Variants in SAMD8 observed in about 807,000 individuals in gnomAD.
SAMD8 encodes sphingomyelin synthase-related protein 1.
SAMD8 carries 20 observed loss-of-function variants against 42.0 expected under a neutral mutation model. The ratio of observed to expected loss-of-function variants is 0.48; its 90% CI spans 0.34 to 0.69. The LOEUF is 0.69. Ranked by LOEUF, SAMD8 falls within the 30% of genes least tolerant of loss-of-function variation. The probability of loss-of-function intolerance (pLI) is 0.01; values close to 1 mark genes in which losing one functional copy is unlikely to be tolerated. For synonymous variants in SAMD8, 162 were observed against 173.0 expected (o/e 0.94, Z 0.50); for missense variants, 328 against 511.6 (o/e 0.64, Z 3.46).
intron 1 of SAMD8, among the ~76,000 whole-genome samples, chr10:75,119,404 G>A (rs992045983): frequency 1.2e-4 from 18 of 152,210 alleles, no homozygotes; most frequent in Admixed American, 3.9e-4. Context: ...TGACCTGCCC[G>A]CCTTGGCTTC....
intron 4 of SAMD8, 172 bp from the exon 5 acceptor site, chr10:75,175,894 T>C (rs1840980415): frequency 1.0e-6 from 1 of 985,412 alleles, no homozygotes. Context: ...AGCCAAGCTT[T>C]GCCCACCCAT....
chr10:75,109,274 C>A, upstream of SAMD8: 1 of 1,252,474 alleles, frequency 8.0e-7, no homozygotes, highest in South Asian at 1.6e-5. Flanking sequence ...CTCAGCAAGT[C>A]ACAGGGGCCT....
At chr10:75,108,456 C>T (rs948140460), upstream of SAMD8, among the ~76,000 whole-genome samples, 2 of 152,158 alleles carry the variant, frequency 1.3e-5, no homozygotes, top group African/African-American at 4.8e-5. Flanking sequence ...TGCATCTGTC[C>T]CTGCCTTGGC....
chr10:75,122,822 G>A (rs1403197070), intron 1 of SAMD8, among the ~76,000 whole-genome samples: 2 of 152,020 alleles, frequency 1.3e-5, no homozygotes, highest in African/African-American at 4.8e-5. Context: ...ATGGGTATTT[G>A]CGATAAAAAT....
At chr10:75,127,865 G>A (rs1269359441) in intron 1 of SAMD8, among the ~76,000 whole-genome samples, 3 of 152,126 alleles carry the variant, frequency 2.0e-5, no homozygotes, top group Non-Finnish European at 4.4e-5. Context: ...TTTGTTCACT[G>A]TATTTCCTTT....
chr10:75,111,977 G>A (rs992812398), intron 1 of SAMD8, among the ~76,000 whole-genome samples: 1 of 152,110 alleles, frequency 6.6e-6, no homozygotes, highest in Non-Finnish European at 1.5e-5. Flanking sequence ...GAGAGGGGGA[G>A]GCTTGAAGAG....
intron 1 of SAMD8, among the ~76,000 whole-genome samples, chr10:75,114,332 C>CAAA (rs34696129): frequency 0.012 from 1,558 of 134,626 alleles, 15 homozygotes; most frequent in Non-Finnish European, 0.018. Context: ...TGATATGTCT[C>CAAA]AAAAAAAAAA....
intron 2 of SAMD8, 91 bp downstream of exon 2, chr10:75,151,197 T>C (rs762847205): frequency 6.9e-5 from 45 of 654,382 alleles, no homozygotes; most frequent in Non-Finnish European, 1.0e-4. Flanking sequence ...TTGTTTCTTA[T>C]TGTGGTAGAT....
intron 1 of SAMD8, among the ~76,000 whole-genome samples, chr10:75,149,430 T>G (rs1051230792): frequency 6.6e-6 from 1 of 152,234 alleles, no homozygotes; most frequent in Non-Finnish European, 1.5e-5. Flanking sequence ...TTTAAAAATT[T>G]TATTGCTAAA....
chr10:75,153,589 G>A (rs553717519), intron 2 of SAMD8, among the ~76,000 whole-genome samples: 3 of 151,436 alleles, frequency 2.0e-5, no homozygotes, highest in South Asian at 2.1e-4. Context: ...ACTCCAGCCC[G>A]GGTGTCAGAG....
In SAMD8 at chr10:75,176,163, T is replaced by C; in HGVS notation, c.890T>C (p.Met297Thr). 6.2e-7 allele frequency: 1 copy of C among 1,614,244 alleles called. No individual in the cohort carries two copies. Among genetic ancestry groups the C allele is most frequent in the Non-Finnish European group, 8.5e-7 (1 of 1,180,036 alleles). The change falls in exon 5 of 6, where the codon ATG (methionine) becomes ACG (threonine). Residue 297 changes from methionine to threonine, a missense_variant. Physicochemically the swap from Met to Thr is moderately conservative, Grantham distance 81. Around this residue, in one of 2 missense-constraint regions of SAMD8, gnomAD observed 178 missense variants for 325.6 expected, o/e 0.55. Transcript: ENST00000542569. The surrounding 1 kb of genome is among the most constrained non-coding windows in gnomAD (Gnocchi z 4.3). ...LTGVHTCGDYMFSGHTVVLTM... is the reference protein window; with the variant it reads ...LTGVHTCGDYTFSGHTVVLTM... Reference sequence around the variant, plus strand: ...GGCGTTCACACATGTGGAGATTACATGTTTAGTGGCCACACAGTCGTCCTA... The same window carrying C: ...GGCGTTCACACATGTGGAGATTACACGTTTAGTGGCCACACAGTCGTCCTA...
At chr10:75,109,110 C>A (rs760977554), upstream of SAMD8, 1 of 1,611,570 alleles carries the variant, frequency 6.2e-7, no homozygotes, top group Admixed American at 1.7e-5. Context: ...TGGGGCAAGG[C>A]GTGGCTTTGT....
chr10:75,110,527 C>T (rs907583088), upstream of SAMD8, among the ~76,000 whole-genome samples: 8 of 152,204 alleles, frequency 5.3e-5, no homozygotes, highest in African/African-American at 1.9e-4. Flanking sequence ...AAGCAGTCTA[C>T]ACTCATGTCT....
intron 2 of SAMD8, among the ~76,000 whole-genome samples, chr10:75,161,295 C>G (rs957995090): frequency 6.6e-6 from 1 of 152,170 alleles, no homozygotes; most frequent in Non-Finnish European, 1.5e-5. Context: ...CATCTCCCCT[C>G]CTACCCAACC....
chr10:75,113,847 G>T (rs1848822317), intron 1 of SAMD8, among the ~76,000 whole-genome samples: 1 of 152,090 alleles, frequency 6.6e-6, no homozygotes, highest in Non-Finnish European at 1.5e-5. Context: ...TTCATACTTA[G>T]TTGTGAATAA....
chr10:75,147,057 CTT>C (rs936281003), intron 1 of SAMD8, among the ~76,000 whole-genome samples: 3 of 152,120 alleles, frequency 2.0e-5, no homozygotes, highest in Admixed American at 6.6e-5. Flanking sequence ...CCACGTATAA[CTT>C]ATATTTTCTA....
intron 2 of SAMD8, among the ~76,000 whole-genome samples, chr10:75,163,580 G>A (rs551621913): frequency 8.4e-4 from 128 of 152,074 alleles, no homozygotes; most frequent in African/African-American, 1.1e-3. Flanking sequence ...ACTTACAGGC[G>A]CGCAGCACCG....
chr10:75,102,243 G>A (rs776175386), intron 1 of SAMD8, among the ~76,000 whole-genome samples: 3 of 152,280 alleles, frequency 2.0e-5, no homozygotes, highest in African/African-American at 4.8e-5. Context: ...TTGGGAAACC[G>A]AGGAGGGTGG....
At chr10:75,166,439 G>C (rs1564694641) in intron 3 of SAMD8, among the ~76,000 whole-genome samples, 1 of 151,782 alleles carries the variant, frequency 6.6e-6, no homozygotes, top group Non-Finnish European at 1.5e-5. Flanking sequence ...CATTGTCTTT[G>C]GAACACTGGA....
Sources: gnomAD v4.1 joint callset for allele counts (sites outside exome capture counted in the v4.1 genomes callset) on GRCh38, gnomAD v4.1.1 for gene constraint, gnomAD v4.1.1 regional missense constraint, Gnocchi (gnomAD v3.1) non-coding constraint, MANE v1.5 for transcripts, NCBI Gene and HGNC (gene_info 2026-07-23, HGNC 2026-07-21) for gene names.